OXR1: variants seen among roughly 807,000 people sequenced by gnomAD.
OXR1 encodes the protein oxidation resistance 1, also known as oxidation resistance protein 1.
A neutral mutation model predicts 104.6 loss-of-function variants in OXR1; 41 were observed. The ratio of observed to expected loss-of-function variants is 0.39; its 90% CI spans 0.31 to 0.51. OXR1 has a LOEUF of 0.51. Ranked by LOEUF, OXR1 falls within the 20% of genes least tolerant of loss-of-function variation. OXR1 has a pLI of 0.77. For missense variants in OXR1, 955 were observed against 1,031.9 expected, an observed-to-expected ratio of 0.93 and a Z score of 1.02; for synonymous variants, 348 against 348.4, an observed-to-expected ratio of 1.00 and a Z score of 0.01.
chr8:106,448,236 G>A (rs1277041156), intron 2 of OXR1, among the ~76,000 whole-genome samples: 3 of 152,184 alleles, frequency 2.0e-5, no homozygotes, highest in African/African-American at 7.2e-5. Flanking sequence ...CCGTGAACAA[G>A]GCAGACTGCC....
At chr8:106,685,052 A>G (rs1277798626) in intron 6 of OXR1, among the ~76,000 whole-genome samples, 2 of 152,008 alleles carry the variant, frequency 1.3e-5, no homozygotes, top group African/African-American at 4.8e-5. Context: ...AGAAAGAGAG[A>G]GAGAAATGAG....
At chr8:106,298,455 C>G (rs760638291) in intron 1 of OXR1, among the ~76,000 whole-genome samples, 1 of 152,122 alleles carries the variant, frequency 6.6e-6, no homozygotes, top group African/African-American at 2.4e-5. Flanking sequence ...TTACCTCCCA[C>G]GACATGTGGG....
intron 3 of OXR1, among the ~76,000 whole-genome samples, chr8:106,669,517 A>G (rs1273994825): frequency 6.6e-6 from 1 of 151,964 alleles, no homozygotes; most frequent in Non-Finnish European, 1.5e-5. Context: ...CTAGTATCTC[A>G]TTATTGAGAG....
At chr8:106,478,738 A>G (rs1821939234) in intron 2 of OXR1, among the ~76,000 whole-genome samples, 1 of 151,872 alleles carries the variant, frequency 6.6e-6, no homozygotes, top group African/African-American at 2.4e-5. Flanking sequence ...AATAATTTGT[A>G]CTATTATTTA....
chr8:106,367,066 T>C (rs1816497614), intron 2 of OXR1, among the ~76,000 whole-genome samples: 1 of 296 alleles, frequency 3.4e-3, no homozygotes, highest in Non-Finnish European at 0.015. Context: ...ATGTTTCCCT[T>C]TTTTTTTTTT....
chr8:106,454,491 A>G (rs1445836542), intron 2 of OXR1, among the ~76,000 whole-genome samples: 1 of 150,998 alleles, frequency 6.6e-6, no homozygotes, highest in Non-Finnish European at 1.5e-5. Context: ...TTATATATGT[A>G]TATATATAAA....
chr8:106,684,230 G>A lies in OXR1; in HGVS notation c.412-16G>A. On this transcript the variant is annotated splice_polypyrimidine_tract_variant and intron_variant, in intron 5 of 16. Transcript: ENST00000517566. The stretch of plus-strand genomic sequence containing the variant: ...CTTCATTTTAACTAAATCTTTGTGT[G>A]AATGTTTTCTTACAGGTTCTGTATG... The A allele has an allele frequency of 7.9e-7, 1 of 1,264,018 alleles. No individual in the cohort carries two copies. Among genetic ancestry groups the A allele is most frequent in the Non-Finnish European group, 1.2e-6 (1 of 865,266 alleles). The allele number at this position is 1,264,018 out of a possible 1,614,324, so 78.3% of individuals were successfully genotyped here.
chr8:106,320,459 G>A (rs1377823338), intron 1 of OXR1, among the ~76,000 whole-genome samples: 1 of 152,106 alleles, frequency 6.6e-6, no homozygotes, highest in Non-Finnish European at 1.5e-5. Context: ...TTGTCTCATA[G>A]GCTCATAATT....
intron 3 of OXR1, among the ~76,000 whole-genome samples, chr8:106,660,213 G>GA: frequency 6.6e-6 from 1 of 152,286 alleles, no homozygotes. Flanking sequence ...ATACACAAGT[G>GA]AAAAATAAAT....
At chr8:106,330,761 G>T (rs7834571) in intron 1 of OXR1, among the ~76,000 whole-genome samples, 3 of 152,160 alleles carry the variant, frequency 2.0e-5, no homozygotes, top group East Asian at 3.9e-4. Flanking sequence ...CCATCAAAGT[G>T]TGAAGAACTA....
Position 106,331,572 on chromosome 8 carries a change from C to T in OXR1, c.-138-27904C>T, listed in dbSNP as rs191447819. Among the ~76,000 whole-genome samples, 123 of 152,078 alleles carry T rather than the reference C, an allele frequency of 8.1e-4. No individual in the cohort carries two copies. The East Asian group carries it at 0.021, about 27-fold the overall frequency. On this transcript the variant is annotated intron_variant, in intron 1 of 16. Transcript: ENST00000517566. ...TGTATTGAACTACAAAAGGAAATGT[C>T]GTAAATCCCATTCTGAAAAACTTTT...
chr8:106,702,906 G>A lies in OXR1; in HGVS notation c.676G>A (p.Gly226Ser). ...INCKYITSGKGTVSGVLLVTP... is the reference protein window; with the variant it reads ...INCKYITSGKSTVSGVLLVTP... Reference sequence around the variant, plus strand: ...ATGTTACTTTCTTTTTTCACCTTAGGGCACAGTCAGTGGTGTGCTGCTAGT... The same window carrying A: ...ATGTTACTTTCTTTTTTCACCTTAGAGCACAGTCAGTGGTGTGCTGCTAGT... Residue 226 changes from glycine to serine, a missense_variant and splice_region_variant, in exon 8 of 17, where the codon GGC becomes AGC. By Grantham distance (56) the Gly-to-Ser change is moderately conservative. Around this residue, in one of 2 missense-constraint regions of OXR1, gnomAD observed 849 missense variants for 852.9 expected, o/e 1.00. Transcript: ENST00000517566. 2 of 1,608,098 alleles carry A rather than the reference G, an allele frequency of 1.2e-6. No homozygotes were observed. Among genetic ancestry groups the A allele is most frequent in the Non-Finnish European group, 8.5e-7 (1 of 1,176,696 alleles).
intron 2 of OXR1, among the ~76,000 whole-genome samples, chr8:106,421,275 T>A (rs1200584209): frequency 1.3e-5 from 2 of 152,184 alleles, no homozygotes; most frequent in Non-Finnish European, 2.9e-5. Context: ...CTGAGCTGCA[T>A]AATTGGAAGT....
At chr8:106,718,891 A>G (rs1028628372) in intron 11 of OXR1, among the ~76,000 whole-genome samples, 4 of 151,736 alleles carry the variant, frequency 2.6e-5, no homozygotes, top group Admixed American at 6.6e-5. Context: ...CATGGCTGCT[A>G]TTGATAAGAA....
At chr8:106,342,645 A>G (rs543970077) in intron 1 of OXR1, among the ~76,000 whole-genome samples, 4 of 151,676 alleles carry the variant, frequency 2.6e-5, no homozygotes, top group East Asian at 1.9e-4. Flanking sequence ...TTGTTTTTTC[A>G]TAGTTCATCT....
chr8:106,532,301 C>A (rs1814157439), intron 3 of OXR1, among the ~76,000 whole-genome samples: 2 of 152,138 alleles, frequency 1.3e-5, no homozygotes, highest in South Asian at 4.1e-4. Flanking sequence ...AGTGTAAGAG[C>A]TAAAAAGATA....
rs371568162 is a variant in OXR1, at chr8:106,359,543, C to T, written c.-71C>T. 211 of 1,170,156 alleles carry T rather than the reference C, an allele frequency of 1.8e-4. No homozygotes were observed. Among genetic ancestry groups the T allele is most frequent in the Non-Finnish European group, 2.4e-4 (192 of 799,392 alleles). 72.5% of individuals were successfully genotyped at this position (1,170,156 alleles called of 1,614,324 possible). A position where few individuals can be genotyped will look rare whatever the true frequency, so the allele number is the denominator to read the frequency against. On this transcript the variant is annotated 5_prime_UTR_variant, in exon 2 of 17. Transcript: ENST00000517566. ...CCAGAAGCAAAGCTAAAATTTTTAGCGGTGTTGTCGACTTGACCTGCTAAT... is the reference window on the plus strand; with the variant it reads ...CCAGAAGCAAAGCTAAAATTTTTAGTGGTGTTGTCGACTTGACCTGCTAAT...
intron 2 of OXR1, among the ~76,000 whole-genome samples, chr8:106,492,651 G>T (rs1027754962): frequency 6.6e-5 from 10 of 152,252 alleles, no homozygotes; most frequent in South Asian, 2.1e-4. Flanking sequence ...CATTAACATT[G>T]TCTGCTTACT....
chr8:106,750,764 T>G (rs747672072), intron 16 of OXR1, 42 bp from the exon 17 acceptor site: 4 of 1,436,096 alleles, frequency 2.8e-6, no homozygotes. Flanking sequence ...GTTTTATAAC[T>G]TAAGGCATAA....
Sources: allele counts gnomAD v4.1 joint callset (sites outside exome capture counted in the v4.1 genomes callset), GRCh38; gene constraint gnomAD v4.1.1; regional missense constraint gnomAD v4.1.1; transcripts MANE v1.5; gene names NCBI Gene and HGNC (gene_info 2026-07-23, HGNC 2026-07-21).